Variants in MAN2A1 observed in about 807,000 individuals in gnomAD.
MAN2A1 encodes alpha-mannosidase 2.
Under a neutral mutation model 142.6 loss-of-function variants are expected in MAN2A1, and 76 were observed. The observed-to-expected ratio is 0.53, with a 90% CI of 0.44 to 0.65. The LOEUF (loss-of-function observed/expected upper bound fraction) is 0.65, where lower values mean the gene tolerates loss of function less well. Ranked by LOEUF, MAN2A1 falls within the 30% of genes least tolerant of loss-of-function variation. The probability of loss-of-function intolerance (pLI) is 0.00; values close to 1 mark genes in which losing one functional copy is unlikely to be tolerated. For synonymous variants in MAN2A1, 559 were observed against 473.2 expected, an observed-to-expected ratio of 1.18 and a Z score of -2.35; for missense variants, 1,311 against 1,365.1, an observed-to-expected ratio of 0.96 and a Z score of 0.62.
chr5:109,721,302 T>G (rs1751596890), intron 3 of MAN2A1, among the ~76,000 whole-genome samples: 1 of 152,244 alleles, frequency 6.6e-6, no homozygotes, highest in South Asian at 2.1e-4. Context: ...TTCTATTTCT[T>G]TTCTTCTTGT....
chr5:109,710,509 A>G (rs71575306), intron 1 of MAN2A1, among the ~76,000 whole-genome samples: 1 of 147,150 alleles, frequency 6.8e-6, no homozygotes, highest in Non-Finnish European at 1.5e-5. Context: ...AAAATGTGGT[A>G]TTTTTTTTTT....
At chr5:109,766,156 G>A (rs1257009467) in intron 5 of MAN2A1, among the ~76,000 whole-genome samples, 1 of 151,918 alleles carries the variant, frequency 6.6e-6, no homozygotes, top group Admixed American at 6.6e-5. Context: ...AGTTAGTACC[G>A]ATATCTCCTG....
intron 12 of MAN2A1, among the ~76,000 whole-genome samples, chr5:109,803,762 G>T (rs1476755633): frequency 1.3e-5 from 2 of 152,060 alleles, no homozygotes; most frequent in African/African-American, 2.4e-5. Context: ...GTTAGTTTTG[G>T]TGTGTTTGCT....
chr5:109,762,598 T>C (rs890846407), intron 5 of MAN2A1, among the ~76,000 whole-genome samples: 2 of 152,122 alleles, frequency 1.3e-5, no homozygotes, highest in Non-Finnish European at 2.9e-5. Flanking sequence ...CAGAGGACAA[T>C]GGCAATGTGG....
In MAN2A1 at chr5:109,832,289, G is replaced by A. The variant is rs189618101; in HGVS notation, c.2566+8452G>A. Among the ~76,000 whole-genome samples the A allele has an allele frequency of 4.2e-4, 63 of 150,744 alleles. 1 individual carries two copies. The highest frequency in any genetic ancestry group is 6.8e-3 in the Middle Eastern group (2 of 292). ...TCAGCAGATAAACATGTGAACAAGG[G>A]TCTCTGGTTTTCCTAGGCAGAGGAC... On this transcript the variant is annotated intron_variant, in intron 16 of 21. Coordinates refer to ENST00000261483, the MANE Select transcript of MAN2A1 (RefSeq NM_002372.4).
intron 4 of MAN2A1, among the ~76,000 whole-genome samples, chr5:109,751,355 A>G (rs1274383746): frequency 6.6e-6 from 1 of 152,116 alleles, no homozygotes; most frequent in Non-Finnish European, 1.5e-5. Flanking sequence ...ACTAAATAGT[A>G]TTCCATTGTT....
chr5:109,850,840 A>G (rs1487950342), intron 19 of MAN2A1, among the ~76,000 whole-genome samples: 1 of 152,202 alleles, frequency 6.6e-6, no homozygotes, highest in South Asian at 2.1e-4. Context: ...CTTTTACTCA[A>G]GTATAGATTC....
chr5:109,761,832 T>C (rs1448713524), intron 5 of MAN2A1, among the ~76,000 whole-genome samples: 2 of 152,150 alleles, frequency 1.3e-5, no homozygotes, highest in African/African-American at 4.8e-5. Context: ...TCCAAAGTTA[T>C]TAATATCCAA....
At chr5:109,821,448 C>T (rs994352637) in intron 15 of MAN2A1, among the ~76,000 whole-genome samples, 1 of 152,070 alleles carries the variant, frequency 6.6e-6, no homozygotes, top group Non-Finnish European at 1.5e-5. Context: ...CTAGAAGAGT[C>T]ATTTTGTATC....
intron 5 of MAN2A1, among the ~76,000 whole-genome samples, chr5:109,761,765 C>G (rs896041756): frequency 1.3e-5 from 2 of 151,864 alleles, no homozygotes; most frequent in African/African-American, 4.8e-5. Context: ...TGCTCAGATC[C>G]TAGGCTTAGA....
intron 3 of MAN2A1, among the ~76,000 whole-genome samples, chr5:109,718,440 C>T (rs1314654517): frequency 6.6e-6 from 1 of 152,126 alleles, no homozygotes; most frequent in Non-Finnish European, 1.5e-5. Context: ...AGGTTAGTGC[C>T]ATGATTCACG....
rs1308519996 is a variant in MAN2A1 at position 109,690,317 on chromosome 5, G to T, written c.-101G>T. 7 of 1,318,948 alleles carry T rather than the reference G, an allele frequency of 5.3e-6. No individual in the cohort carries two copies. Among genetic ancestry groups the T allele is most frequent in the Non-Finnish European group, 7.6e-6 (7 of 922,408 alleles). The allele number at this position is 1,318,948 out of a possible 1,614,324, so 81.7% of individuals were successfully genotyped here. A position where few individuals can be genotyped will look rare whatever the true frequency, so the allele number is the denominator to read the frequency against. ...CATCCGAGAGCGCGGAGGTCGCGCA[G>T]CCCGGGAGAAGGGAGCCTCCGGCGG... On this transcript the variant is annotated 5_prime_UTR_variant, in exon 1 of 22. Transcript: ENST00000261483.
intron 6 of MAN2A1, among the ~76,000 whole-genome samples, chr5:109,769,937 C>G (rs1753097476): frequency 6.6e-6 from 1 of 152,180 alleles, no homozygotes; most frequent in Non-Finnish European, 1.5e-5. Flanking sequence ...TCTTCTCACC[C>G]AGCCTCTGCA....
intron 1 of MAN2A1, among the ~76,000 whole-genome samples, chr5:109,696,837 C>G (rs1418255542): frequency 6.6e-6 from 1 of 152,202 alleles, no homozygotes; most frequent in Non-Finnish European, 1.5e-5. Context: ...AGCCAATTAG[C>G]ATTTTTTGAT....
At chr5:109,795,130 C>T (rs1753827228) in intron 12 of MAN2A1, among the ~76,000 whole-genome samples, 1 of 152,106 alleles carries the variant, frequency 6.6e-6, no homozygotes, top group Non-Finnish European at 1.5e-5. Context: ...TTGGAGCAGT[C>T]ATGGCTTGGT....
intron 16 of MAN2A1, among the ~76,000 whole-genome samples, chr5:109,835,246 T>A (rs1755027160): frequency 6.6e-6 from 1 of 152,220 alleles, no homozygotes; most frequent in Non-Finnish European, 1.5e-5. Context: ...GAAGAGGGAA[T>A]ATTCAAAATC....
chr5:109,776,506 T>C (rs1753296827), intron 8 of MAN2A1, among the ~76,000 whole-genome samples: 1 of 152,146 alleles, frequency 6.6e-6, no homozygotes, highest in Non-Finnish European at 1.5e-5. Flanking sequence ...TTTTGGTTCA[T>C]AGAAGCATCT....
At chr5:109,755,284 T>C (rs372930882) in intron 4 of MAN2A1, 45 bp from the exon 5 acceptor site, 3 of 1,490,218 alleles carry the variant, frequency 2.0e-6, no homozygotes, top group Non-Finnish European at 2.8e-6. Flanking sequence ...CATTTGAACT[T>C]TTCTTAACAT....
At chr5:109,771,288 A>C (rs1753138096) in intron 7 of MAN2A1, among the ~76,000 whole-genome samples, 1 of 152,216 alleles carries the variant, frequency 6.6e-6, no homozygotes, top group South Asian at 2.1e-4. Context: ...AAAATAATAT[A>C]GCCCATTAAA....
Sources: allele counts gnomAD v4.1 joint callset (sites outside exome capture counted in the v4.1 genomes callset), GRCh38; gene constraint gnomAD v4.1.1; transcripts MANE v1.5; gene names NCBI Gene and HGNC (gene_info 2026-07-23, HGNC 2026-07-21).